Variants in CGGBP1 observed in about 807,000 individuals in gnomAD.
The protein encoded by CGGBP1 is CGG triplet repeat binding protein 1, also known as CGG triplet repeat-binding protein 1.
In CGGBP1, 4 loss-of-function variants were observed where a neutral mutation model predicts 11.4. The ratio of observed to expected loss-of-function variants is 0.35; its 90% CI spans 0.17 to 0.80. CGGBP1 has a LOEUF of 0.80. Among genes scored for constraint, CGGBP1 ranks in the 30% least tolerant of loss-of-function variants. CGGBP1 has a pLI of 0.52. For missense variants in CGGBP1, 135 were observed against 202.1 expected (o/e 0.67, Z 2.01); for synonymous variants, 76 against 74.1 (o/e 1.03, Z -0.13).
rs947686860 is a variant in CGGBP1, at chr3:88,053,645, T to C, written c.*1828A>G. 1.3e-5 allele frequency: 2 copies of C among 152,580 alleles called. No individual in the cohort carries two copies. Among genetic ancestry groups the C allele is most frequent in the Non-Finnish European group, 2.9e-5 (2 of 67,986 alleles). The allele number at this position is 152,580 out of a possible 1,614,324, so 9.5% of individuals were successfully genotyped here. Reference sequence around the variant, plus strand: ...CATGGAATTTCAAAAAACAGAATGATTGTGTATCTTTTCGTATTCTGAAAA... The same window carrying C: ...CATGGAATTTCAAAAAACAGAATGACTGTGTATCTTTTCGTATTCTGAAAA... On this transcript the variant is annotated 3_prime_UTR_variant, in exon 4 of 4. Coordinates refer to ENST00000482016, the MANE Select transcript of CGGBP1 (RefSeq NM_001008390.2).
At chr3:88,072,993 A>C (rs1241251379) in intron 2 of CGGBP1, among the ~76,000 whole-genome samples, 1 of 152,214 alleles carries the variant, frequency 6.6e-6, no homozygotes, top group African/African-American at 2.4e-5. Context: ...AAATGTAGGC[A>C]TGAAGAAAGG....
chr3:88,067,828 G>T (rs1406874480), intron 2 of CGGBP1, among the ~76,000 whole-genome samples: 1 of 152,076 alleles, frequency 6.6e-6, no homozygotes, highest in African/African-American at 2.4e-5. Flanking sequence ...AAAGGAGAAG[G>T]AAAGATATGG....
At chr3:88,108,869 C>T (rs564473530) in intron 2 of CGGBP1, among the ~76,000 whole-genome samples, 45 of 152,098 alleles carry the variant, frequency 3.0e-4, no homozygotes, top group African/African-American at 1.1e-3. Context: ...TAAAATCTCA[C>T]AGTGAGAACA....
At chr3:88,123,650 G>A (rs1705914944) in intron 2 of CGGBP1, among the ~76,000 whole-genome samples, 1 of 152,086 alleles carries the variant, frequency 6.6e-6, no homozygotes, top group Non-Finnish European at 1.5e-5. Flanking sequence ...TCAGGAAGTT[G>A]GAAATACATC....
In CGGBP1 at chr3:88,082,319, G is replaced by T. The variant is rs554175738; in HGVS notation, c.-228-24096C>A. Reference sequence around the variant, plus strand: ...TTTTTATATTTTTAGTAGTGACAGGGTTTCACCATGTTGGCTAGGATGGTC... The same window carrying T: ...TTTTTATATTTTTAGTAGTGACAGGTTTTCACCATGTTGGCTAGGATGGTC... On this transcript the variant is annotated intron_variant, in intron 2 of 3. Coordinates refer to the CGGBP1 transcript ENST00000462901. Among the ~76,000 whole-genome samples the T allele has an allele frequency of 5.3e-5, 8 of 152,238 alleles. No individual in the cohort carries two copies. The South Asian group carries it at 1.5e-3, about 28-fold the overall frequency.
At chr3:88,119,897 CG>C (rs1705667011) in intron 2 of CGGBP1, among the ~76,000 whole-genome samples, 1 of 151,954 alleles carries the variant, frequency 6.6e-6, no homozygotes, top group South Asian at 2.1e-4. Context: ...ATGGTTTTAC[CG>C]TAGTTATGAT....
Position 88,055,285 on chromosome 3 carries a change from G to T in CGGBP1, c.*188C>A. 2.1e-6 allele frequency: 1 copy of T among 483,800 alleles called. No homozygotes were observed. Among genetic ancestry groups the T allele is most frequent in the African/African-American group, 2.0e-5 (1 of 50,536 alleles). The allele number at this position is 483,800 out of a possible 1,614,324, so 30.0% of individuals were successfully genotyped here. ...AACCTAGGTTTTGCTTTATACCATT[G>T]GTGACTAAAATTAACAATAAGTTTT... On this transcript the variant is annotated 3_prime_UTR_variant, in exon 4 of 4. Coordinates refer to ENST00000482016, the MANE Select transcript of CGGBP1 (RefSeq NM_001008390.2). The surrounding 1 kb of genome is among the most constrained non-coding windows in gnomAD (Gnocchi z 4.2).
chr3:88,072,523 T>A (rs897515163), intron 2 of CGGBP1, among the ~76,000 whole-genome samples: 20 of 152,262 alleles, frequency 1.3e-4, no homozygotes, highest in African/African-American at 4.8e-4. Context: ...GCTTCTTGGC[T>A]TTTGTTTTGT....
At chr3:88,114,721 G>T (rs1316255443) in intron 2 of CGGBP1, among the ~76,000 whole-genome samples, 1 of 152,108 alleles carries the variant, frequency 6.6e-6, no homozygotes, top group Non-Finnish European at 1.5e-5. Context: ...TTTACCTAGA[G>T]AAACATCCTT....
intron 2 of CGGBP1, among the ~76,000 whole-genome samples, chr3:88,117,562 G>T (rs1193322773): frequency 1.3e-5 from 2 of 152,132 alleles, no homozygotes; most frequent in East Asian, 3.9e-4. Context: ...TCAAAATAAA[G>T]AATTTACAAA....
chr3:88,104,467 T>C (rs573096811), intron 2 of CGGBP1, among the ~76,000 whole-genome samples: 10 of 152,320 alleles, frequency 6.6e-5, no homozygotes, highest in African/African-American at 1.7e-4. Context: ...TTCAACACAA[T>C]TTTTATACAA....
rs1706535416 is a variant in CGGBP1 at position 88,056,083 on chromosome 3, CACTTCAAAT to C, written c.-23-93_-23-85del. On this transcript the variant is annotated intron_variant, in intron 3 of 3. Transcript: ENST00000482016. Reference sequence around the variant, plus strand: ...TGAACAATAAAAGGCAGTATATAAACACTTCAAATACTTCAAAAAACTTAATTCAAATTA... The same window carrying C: ...TGAACAATAAAAGGCAGTATATAAACACTTCAAAAAACTTAATTCAAATTA... 12 of 1,025,948 alleles carry C rather than the reference CACTTCAAAT, an allele frequency of 1.2e-5. No individual in the cohort carries two copies. In the South Asian group the frequency reaches 1.7e-4, roughly 14 times the overall value. 63.6% of individuals were successfully genotyped at this position (1,025,948 alleles called of 1,614,324 possible).
upstream of CGGBP1, among the ~76,000 whole-genome samples, chr3:88,061,250 A>AT (rs1383080697): frequency 6.6e-6 from 1 of 152,116 alleles, no homozygotes; most frequent in Non-Finnish European, 1.5e-5. Context: ...TTTGCTTTTT[A>AT]TATCAACAAC....
intron 2 of CGGBP1, among the ~76,000 whole-genome samples, chr3:88,104,805 C>T (rs1000767204): frequency 9.9e-5 from 15 of 152,156 alleles, no homozygotes; most frequent in African/African-American, 3.6e-4. Flanking sequence ...ACAAACAAAA[C>T]TATTAAGATG....
At chr3:88,118,097 T>TA (rs1559721821) in intron 2 of CGGBP1, among the ~76,000 whole-genome samples, 1 of 152,120 alleles carries the variant, frequency 6.6e-6, no homozygotes, top group Non-Finnish European at 1.5e-5. Context: ...CTAAAAGTCT[T>TA]ACTACCAAAG....
At chr3:88,130,662 C>T (rs1259817149) in intron 2 of CGGBP1, among the ~76,000 whole-genome samples, 2 of 123,474 alleles carry the variant, frequency 1.6e-5, no homozygotes, top group Non-Finnish European at 3.4e-5. Flanking sequence ...CATTGTTTTG[C>T]CCAGGCCGGT....
chr3:88,141,115 T>C (rs534385040), intron 1 of CGGBP1: 21 of 1,505,626 alleles, frequency 1.4e-5, no homozygotes, highest in Middle Eastern at 1.8e-4. Flanking sequence ...AAAACTATTA[T>C]AGATCTTTGA....
intron 3 of CGGBP1, 94 bp from the exon 4 acceptor site, chr3:88,056,093 A>G: frequency 1.1e-6 from 1 of 886,708 alleles, no homozygotes; most frequent in East Asian, 2.6e-5. Flanking sequence ...CACTTCAAAT[A>G]CTTCAAAAAA....
chr3:88,105,140 GAAAAC>G (rs1403294205), intron 2 of CGGBP1, among the ~76,000 whole-genome samples: 8 of 152,084 alleles, frequency 5.3e-5, no homozygotes, highest in Admixed American at 5.2e-4. Context: ...CTCCATCTCA[GAAAAC>G]AAACATAAAT....
Sources: gnomAD v4.1 joint callset for allele counts (sites outside exome capture counted in the v4.1 genomes callset) on GRCh38, gnomAD v4.1.1 for gene constraint, Gnocchi (gnomAD v3.1) non-coding constraint, MANE v1.5 for transcripts, NCBI Gene and HGNC (gene_info 2026-07-23, HGNC 2026-07-21) for gene names.